Variants in YBX2 observed in about 807,000 individuals in gnomAD.
The protein encoded by YBX2 is Y-box-binding protein 2.
YBX2 carries 5 observed loss-of-function variants against 44.4 expected under a neutral mutation model. That is an observed-to-expected ratio of 0.11 (90% confidence interval 0.06 to 0.24). YBX2 has a LOEUF of 0.24. Among genes scored for constraint, YBX2 ranks in the 10% least tolerant of loss-of-function variants. YBX2 has a pLI of 1.00. For synonymous variants in YBX2, 188 were observed against 216.1 expected (o/e 0.87, Z 1.14); for missense variants, 417 against 526.9 (o/e 0.79, Z 2.04).
rs1453394564 is a variant in YBX2, at chr17:7,290,329, T to C, written c.666A>G (p.Arg222=). The change falls in exon 5 of 9, where the codon CGA becomes CGG. Residue 222 remains arginine, a synonymous_variant. Coordinates refer to ENST00000007699, the MANE Select transcript of YBX2 (RefSeq NM_015982.4). ...GGTAGAAGAAGGGTGGGGGGCACCA[T>C]CGTCGGGGCCGTTGCCCAGAGTCTT... The part of the protein sequence containing the change: ...RAEDSGQRPR[R]WCPPPFFYRR... 5 of 1,613,632 alleles carry C rather than the reference T, an allele frequency of 3.1e-6. No homozygotes were observed. Among genetic ancestry groups the C allele is most frequent in the Non-Finnish European group, 4.2e-6 (5 of 1,179,892 alleles).
In YBX2 at chr17:7,294,452, T is replaced by G; in HGVS notation, c.49A>C (p.Thr17Pro). 2 of 1,475,100 alleles carry G rather than the reference T, an allele frequency of 1.4e-6. No homozygotes were observed. Among genetic ancestry groups the G allele is most frequent in the Non-Finnish European group, 1.8e-6 (2 of 1,116,314 alleles). The allele number at this position is 1,475,100 out of a possible 1,614,324, so 91.4% of individuals were successfully genotyped here. A position where few individuals can be genotyped will look rare whatever the true frequency, so the allele number is the denominator to read the frequency against. Residue 17 changes from threonine (T) to proline (P), a missense_variant, in exon 1 of 9, where the codon ACG (threonine) becomes CCG (proline). This residue lies in a region of YBX2 where 121 missense variants were observed against 141.3 expected (regional missense o/e 0.86). Coordinates refer to ENST00000007699, the MANE Select transcript of YBX2 (RefSeq NM_015982.4). The surrounding 1 kb of genome is among the most constrained non-coding windows in gnomAD (Gnocchi z 4.6). ...ACCCCTGCCGCCGTCGCGGGCACCG[T>G]CGCCGCGGGGACCGCTGTAGCCCCC... ...AAGATAVPAA[T>P]VPATAAGVVA... is the part of the protein sequence containing the mutation.
Position 7,289,985 on chromosome 17 carries a change from G to A in YBX2, c.831C>T (p.Phe277=). Residue 277 remains phenylalanine, a synonymous_variant, in exon 6 of 9, where the codon TTC becomes TTT. Coordinates refer to ENST00000007699, the MANE Select transcript of YBX2 (RefSeq NM_015982.4). Reference sequence around the variant, plus strand: ...GGTCTTACCTTCGGTACCTGGGCCGGAATCTGGGCGGGGGGACTCGCTCAT... The same window carrying A: ...GGTCTTACCTTCGGTACCTGGGCCGAAATCTGGGCGGGGGGACTCGCTCAT... ...QGDERVPPPR[F]RPRYRRPFRP... is the part of the protein sequence containing the mutation. 1.2e-6 allele frequency: 2 copies of A among 1,614,224 alleles called. No individual in the cohort carries two copies. Among genetic ancestry groups the A allele is most frequent in the Non-Finnish European group, 8.5e-7 (1 of 1,180,026 alleles).
At chr17:7,293,308 T>C (rs975783232) in intron 2 of YBX2, 167 bp downstream of exon 2, 1 of 1,273,244 alleles carries the variant, frequency 7.9e-7, no homozygotes, top group Non-Finnish European at 1.1e-6. Context: ...GGCTTCCTCT[T>C]GTCACGAAGC....
rs1419625473 is a variant in YBX2 at position 7,294,223 on chromosome 17, C to T, written c.271+7G>A. On this transcript the variant is annotated splice_region_variant and intron_variant, in intron 1 of 8. Transcript: ENST00000007699. The surrounding 1 kb of genome is among the most constrained non-coding windows in gnomAD (Gnocchi z 4.6). ...TCAGAGCCGCCCTGTGCGCGCCTGC[C>T]CCTCACCCAGCACCGGCTTGTCCGC... 2 of 1,271,000 alleles carry T rather than the reference C, an allele frequency of 1.6e-6. No homozygotes were observed. The highest frequency in any genetic ancestry group is 4.1e-5 in the Admixed American group (1 of 24,408). The allele number at this position is 1,271,000 out of a possible 1,614,324, so 78.7% of individuals were successfully genotyped here.
chr17:7,294,326 A>AG lies in YBX2; in HGVS notation c.174dup (p.Ser59LeufsTer56). 7.7e-7 allele frequency: 1 copy of AG among 1,290,634 alleles called. No individual in the cohort carries two copies. Among genetic ancestry groups the AG allele is most frequent in the Non-Finnish European group, 9.8e-7 (1 of 1,025,210 alleles). 79.9% of individuals were successfully genotyped at this position (1,290,634 alleles called of 1,614,324 possible). A position where few individuals can be genotyped will look rare whatever the true frequency, so the allele number is the denominator to read the frequency against. On this transcript the variant is annotated frameshift_variant, in exon 1 of 9. Transcript: ENST00000007699. LOFTEE classifies it high-confidence loss of function. This position sits in a 1 kb window ranked among gnomAD's most constrained non-coding sequence, Gnocchi z 4.6. ...CCAGGGGTGCGGGAGCCCGGCGCCGAGGGGGTCCCAGCAGCGGGGCCCGAG... is the reference window on the plus strand; with the variant it reads ...CCAGGGGTGCGGGAGCCCGGCGCCGAGGGGGGTCCCAGCAGCGGGGCCCGAG...
In YBX2 at chr17:7,290,104, G is replaced by A. The variant is rs576680675; in HGVS notation, c.745-33C>T. The A allele has an allele frequency of 3.9e-5, 63 of 1,613,216 alleles. No individual in the cohort carries two copies. In the East Asian group the frequency reaches 1.4e-3, roughly 35 times the overall value. The stretch of plus-strand genomic sequence containing the variant: ...CATGCAAAGGCCCCGGTGAGCTGTG[G>A]GGACAGCAGCTGCTCTGGAGCCAGA... On this transcript the variant is annotated intron_variant, in intron 5 of 8. Coordinates refer to ENST00000007699, the MANE Select transcript of YBX2 (RefSeq NM_015982.4).
chr17:7,290,236 C>T lies in YBX2; in HGVS notation c.744+15G>A. 1.9e-6 allele frequency: 3 copies of T among 1,607,174 alleles called. No homozygotes were observed. Reference sequence around the variant, plus strand: ...AACTTGGGGAACTGGCTCCCATATTCCAGCATCCCCTCACCTCTATAGGCT... The same window carrying T: ...AACTTGGGGAACTGGCTCCCATATTTCAGCATCCCCTCACCTCTATAGGCT... On this transcript the variant is annotated intron_variant, in intron 5 of 8. Transcript: ENST00000007699.
At chr17:7,293,901 G>A (rs2072519376) in intron 1 of YBX2, 1 of 512,036 alleles carries the variant, frequency 2.0e-6, no homozygotes, top group East Asian at 3.4e-5. Flanking sequence ...GGTCCCCAGT[G>A]CACCTGCTTG....
In YBX2 at chr17:7,291,216, C is replaced by G; in HGVS notation, c.370-34G>C. The G allele has an allele frequency of 6.2e-7, 1 of 1,605,934 alleles. No individual in the cohort carries two copies. The highest frequency in any genetic ancestry group is 8.5e-7 in the Non-Finnish European group (1 of 1,172,740). On this transcript the variant is annotated intron_variant, in intron 3 of 8. Transcript: ENST00000007699. This position sits in a 1 kb window ranked among gnomAD's most constrained non-coding sequence, Gnocchi z 5.8. ...GGAAAAGGCCATGTGAAAAGTGAGA[C>G]AGCAAGACAGGAGTCTCTGTCACCC...
chr17:7,294,336 A>G lies in YBX2; in HGVS notation c.165T>C (p.Ala55=). ...GGGGAASGPA[A]GTPSAPGSRT... is the part of the protein sequence containing the mutation. ...GGGAGCCCGGCGCCGAGGGGGTCCCAGCAGCGGGGCCCGAGGCGGCTCCGC... is the reference window on the plus strand; with the variant it reads ...GGGAGCCCGGCGCCGAGGGGGTCCCGGCAGCGGGGCCCGAGGCGGCTCCGC... The change falls in exon 1 of 9, where the codon GCT becomes GCC. Residue 55 remains alanine (A), a synonymous_variant. Coordinates refer to ENST00000007699, the MANE Select transcript of YBX2 (RefSeq NM_015982.4). This position sits in a 1 kb window ranked among gnomAD's most constrained non-coding sequence, Gnocchi z 4.6. 7.6e-7 allele frequency: 1 copy of G among 1,320,668 alleles called. No individual in the cohort carries two copies. Among genetic ancestry groups the G allele is most frequent in the Non-Finnish European group, 9.6e-7 (1 of 1,041,580 alleles). The allele number at this position is 1,320,668 out of a possible 1,614,324, so 81.8% of individuals were successfully genotyped here.
In YBX2 at chr17:7,291,346, T is replaced by C; in HGVS notation, c.370-164A>G. 2 of 702,832 alleles carry C rather than the reference T, an allele frequency of 2.8e-6. No homozygotes were observed. Among genetic ancestry groups the C allele is most frequent in the East Asian group, 2.7e-5 (1 of 36,614 alleles). 43.5% of individuals were successfully genotyped at this position (702,832 alleles called of 1,614,324 possible). A position where few individuals can be genotyped will look rare whatever the true frequency, so the allele number is the denominator to read the frequency against. ...TCAAAGTTTAGCAGGGGAAAAGTCC[T>C]GAACTCAGGGCCTCAGCAGATTGTG... On this transcript the variant is annotated intron_variant, in intron 3 of 8. Coordinates refer to ENST00000007699, the MANE Select transcript of YBX2 (RefSeq NM_015982.4). This position sits in a 1 kb window ranked among gnomAD's most constrained non-coding sequence, Gnocchi z 5.8.
At position 7,289,648 on chromosome 17, in the gene YBX2, G is replaced by T; in HGVS notation, c.926C>A (p.Ala309Asp). Reference sequence around the variant, plus strand: ...CTGGGGCTCAGGCCGGGAACCATCAGCGGGACCTTGGCTGGGCTTGGTCTC... The same window carrying T: ...CTGGGGCTCAGGCCGGGAACCATCATCGGGACCTTGGCTGGGCTTGGTCTC... ...DGETKPSQGPADGSRPEPQRP... is the reference protein window; with the variant it reads ...DGETKPSQGPDDGSRPEPQRP... The change falls in exon 7 of 9, where the codon GCT (alanine) becomes GAT (aspartate). Residue 309 changes from alanine (A) to aspartate (D), a missense_variant. Physicochemically the swap from Ala to Asp is moderately radical, Grantham distance 126. Around this residue, in one of 3 missense-constraint regions of YBX2, gnomAD observed 257 missense variants for 261.7 expected, o/e 0.98. Coordinates refer to ENST00000007699, the MANE Select transcript of YBX2 (RefSeq NM_015982.4). 6.2e-7 allele frequency: 1 copy of T among 1,614,098 alleles called. No individual in the cohort carries two copies. The highest frequency in any genetic ancestry group is 8.5e-7 in the Non-Finnish European group (1 of 1,179,986).
At chr17:7,289,503 C>T in intron 7 of YBX2, 27 bp downstream of exon 7, 2 of 1,577,296 alleles carry the variant, frequency 1.3e-6, no homozygotes, top group Non-Finnish European at 1.7e-6. Context: ...TCAGCCTTTT[C>T]TTTCATCCCA....
rs139642284 is a variant in YBX2, at chr17:7,290,390, G to A, written c.605C>T (p.Ala202Val). The change falls in exon 5 of 9, where the codon GCG (alanine) becomes GTG (valine). Residue 202 changes from alanine to valine, a missense_variant. Ala to Val is a moderately conservative substitution (Grantham distance 64). Around this residue, in one of 3 missense-constraint regions of YBX2, gnomAD observed 257 missense variants for 261.7 expected, o/e 0.98. Coordinates refer to ENST00000007699, the MANE Select transcript of YBX2 (RefSeq NM_015982.4). ...PPPMVAEIPS[A>V]GTGPGSKGER... ...CCCTTTACTGCCAGGTCCTGTCCCC[G>A]CCGAGGGGATCTCTGCCACCATGGG... is the stretch of plus-strand genomic sequence containing the variant. 557 of 1,613,886 alleles carry A rather than the reference G, an allele frequency of 3.5e-4. 1 individual carries two copies. In the Admixed American group the frequency reaches 8.8e-3, roughly 26 times the overall value.
At position 7,294,163 on chromosome 17, in the gene YBX2, G is replaced by C; in HGVS notation, c.271+67C>G. The C allele has an allele frequency of 8.1e-7, 1 of 1,239,414 alleles. No individual in the cohort carries two copies. The allele number at this position is 1,239,414 out of a possible 1,614,324, so 76.8% of individuals were successfully genotyped here. On this transcript the variant is annotated intron_variant, in intron 1 of 8. Coordinates refer to ENST00000007699, the MANE Select transcript of YBX2 (RefSeq NM_015982.4). The surrounding 1 kb of genome is among the most constrained non-coding windows in gnomAD (Gnocchi z 4.6). ...CCTTTGGTTTTCCGGATCCTGCCGGGCTCCACACTGCCCCTCCCCCAGCCC... is the reference window on the plus strand; with the variant it reads ...CCTTTGGTTTTCCGGATCCTGCCGGCCTCCACACTGCCCCTCCCCCAGCCC...
intron 2 of YBX2, 68 bp downstream of exon 2, chr17:7,293,407 G>T: frequency 6.2e-7 from 1 of 1,609,438 alleles, no homozygotes; most frequent in Non-Finnish European, 8.5e-7. Context: ...GAGGTTGGGC[G>T]GGTGTCCAGT....
chr17:7,294,167 C>T lies in YBX2; in HGVS notation c.271+63G>A. 8.0e-7 allele frequency: 1 copy of T among 1,242,300 alleles called. No individual in the cohort carries two copies. Among genetic ancestry groups the T allele is most frequent in the Non-Finnish European group, 1.0e-6 (1 of 995,612 alleles). 77.0% of individuals were successfully genotyped at this position (1,242,300 alleles called of 1,614,324 possible). ...TGGTTTTCCGGATCCTGCCGGGCTC[C>T]ACACTGCCCCTCCCCCAGCCCGCCG... On this transcript the variant is annotated intron_variant, in intron 1 of 8. Transcript: ENST00000007699. The surrounding 1 kb of genome is among the most constrained non-coding windows in gnomAD (Gnocchi z 4.6).
At chr17:7,293,759 C>T (rs1380136816) in intron 1 of YBX2, 3 of 869,942 alleles carry the variant, frequency 3.4e-6, no homozygotes, top group African/African-American at 1.7e-5. Context: ...TTCAAAAAGC[C>T]TTCCAACTCT....
intron 7 of YBX2, 58 bp from the exon 8 acceptor site, chr17:7,288,896 C>CAAA: frequency 6.2e-7 from 1 of 1,607,116 alleles, no homozygotes; most frequent in Non-Finnish European, 8.5e-7. Context: ...GACAGAGTCT[C>CAAA]ACTCCAGGTT....
Sources: gnomAD v4.1 joint callset for allele counts on GRCh38, gnomAD v4.1.1 for gene constraint, gnomAD v4.1.1 regional missense constraint, Gnocchi (gnomAD v3.1) non-coding constraint, MANE v1.5 for transcripts, NCBI Gene and HGNC (gene_info 2026-07-23, HGNC 2026-07-21) for gene names.